The following ACOXL variants were observed in gnomAD, a reference collection of about 807,000 sequenced individuals.
The protein encoded by ACOXL is acyl-CoA oxidase like.
A neutral mutation model predicts 71.9 loss-of-function variants in ACOXL; 70 were observed. The ratio of observed to expected loss-of-function variants is 0.97; its 90% CI spans 0.80 to 1.19. The LOEUF (loss-of-function observed/expected upper bound fraction) is 1.19. Among genes scored for constraint, ACOXL ranks in the 50% most tolerant of loss-of-function variants. The pLI is 0.00. For synonymous variants in ACOXL, 253 were observed against 281.6 expected, an observed-to-expected ratio of 0.90 and a Z score of 1.02; for missense variants, 703 against 736.3, an observed-to-expected ratio of 0.95 and a Z score of 0.52.
intron 14 of ACOXL, among the ~76,000 whole-genome samples, chr2:111,026,339 G>T (rs1446291404): frequency 2.0e-5 from 3 of 152,046 alleles, no homozygotes; most frequent in African/African-American, 7.2e-5. Context: ...GATTGGCATT[G>T]TGTTGCATCT....
At chr2:111,003,550 C>CAAAAAAAAAAAAAAAAAAAAAAAAA (rs548001377) in intron 14 of ACOXL, among the ~76,000 whole-genome samples, 3 of 35,334 alleles carry the variant, frequency 8.5e-5, no homozygotes, top group African/African-American at 1.9e-4. Context: ...GACTCTGTCT[C>CAAAAAAAAAAAAAAAAAAAAAAAAA]AAAAAAAAAA....
In ACOXL at chr2:110,798,359, C is replaced by T. The variant is rs1360614023; in HGVS notation, c.346-251C>T. On this transcript the variant is annotated intron_variant, in intron 5 of 17. Coordinates refer to ENST00000439055, the MANE Select transcript of ACOXL (RefSeq NM_001142807.4). ...GCAAGCTCTGCCTCCCAGGTTCACG[C>T]CATTCTCCTGCCTCAGCCTCCCGAG... 1.0e-3 allele frequency among the ~76,000 whole-genome samples: 157 copies of T among 151,680 alleles called. 2 individuals carry two copies. Among genetic ancestry groups the T allele is most frequent in the Non-Finnish European group, 8.1e-4 (55 of 67,886 alleles).
At chr2:111,063,587 TAAC>T (rs2066918922) in intron 16 of ACOXL, among the ~76,000 whole-genome samples, 2 of 152,158 alleles carry the variant, frequency 1.3e-5, no homozygotes, top group African/African-American at 2.4e-5. Context: ...TTACTCATGA[TAAC>T]AACTCCTAGA....
chr2:111,102,030 A>C (rs1302424663), intron 17 of ACOXL: 1 of 152,654 alleles, frequency 6.6e-6, no homozygotes, highest in East Asian at 1.9e-4. Context: ...GACCAACTAG[A>C]ATGTGGGTGT....
intron 16 of ACOXL, among the ~76,000 whole-genome samples, chr2:111,060,757 T>C (rs1488259237): frequency 6.6e-6 from 1 of 152,066 alleles, no homozygotes; most frequent in Non-Finnish European, 1.5e-5. Flanking sequence ...TGAGTAATAG[T>C]GAACATACTT....
intron 10 of ACOXL, among the ~76,000 whole-genome samples, chr2:110,885,711 T>TAA (rs765899224): frequency 1.2e-4 from 18 of 152,228 alleles, no homozygotes; most frequent in Non-Finnish European, 2.1e-4. Flanking sequence ...ATGTCCTTTT[T>TAA]ATACCTCTGT....
At chr2:110,935,162 G>A (rs985827291) in intron 12 of ACOXL, among the ~76,000 whole-genome samples, 1 of 152,126 alleles carries the variant, frequency 6.6e-6, no homozygotes, top group Non-Finnish European at 1.5e-5. Context: ...ACAGTGGGGT[G>A]TTGGGGCACT....
intron 9 of ACOXL, among the ~76,000 whole-genome samples, chr2:110,816,117 G>GTGGA (rs1322521860): frequency 6.6e-6 from 1 of 151,906 alleles, no homozygotes; most frequent in Non-Finnish European, 1.5e-5. Flanking sequence ...GGATGGGTGG[G>GTGGA]TGGATGGATG....
intron 15 of ACOXL, among the ~76,000 whole-genome samples, chr2:111,045,741 G>A (rs769517178): frequency 6.6e-6 from 1 of 152,160 alleles, no homozygotes; most frequent in Non-Finnish European, 1.5e-5. Context: ...TGACATCTGG[G>A]GTGAGGGGAA....
intron 10 of ACOXL, among the ~76,000 whole-genome samples, chr2:110,848,006 A>G (rs1325563141): frequency 6.6e-6 from 1 of 152,246 alleles, no homozygotes; most frequent in Non-Finnish European, 1.5e-5. Context: ...ATGAATCAGA[A>G]TGCTTATTGA....
intron 17 of ACOXL, chr2:111,115,686 G>C (rs2070302059): frequency 6.6e-6 from 1 of 152,198 alleles, no homozygotes; most frequent in Admixed American, 6.5e-5. Context: ...TGAGGTTTCT[G>C]TTGCAGTCTA....
At chr2:110,917,267 A>G (rs185791157) in intron 11 of ACOXL, among the ~76,000 whole-genome samples, 3 of 152,202 alleles carry the variant, frequency 2.0e-5, no homozygotes, top group Non-Finnish European at 2.9e-5. Context: ...ATCAATAAAC[A>G]TAATCCATCA....
chr2:111,017,822 G>A (rs1439329730), intron 14 of ACOXL: 1 of 152,214 alleles, frequency 6.6e-6, no homozygotes, highest in Non-Finnish European at 1.5e-5. Context: ...GTTCTGGTTT[G>A]GTTAGTGGTA....
At chr2:110,963,672 G>A in intron 12 of ACOXL, 1 of 1,613,970 alleles carries the variant, frequency 6.2e-7, no homozygotes, top group Non-Finnish European at 8.5e-7. Context: ...TGACACAGAT[G>A]TGTTTGCCAC....
At chr2:110,955,987 A>G (rs569477930) in intron 12 of ACOXL, among the ~76,000 whole-genome samples, 35 of 128,964 alleles carry the variant, frequency 2.7e-4, no homozygotes, top group African/African-American at 1.0e-3. Context: ...TGCCCAGGCT[A>G]GAGTGCAGTG....
Position 110,933,595 on chromosome 2 carries a change from G to A in ACOXL, c.1012G>A (p.Glu338Lys). 6.2e-7 allele frequency: 1 copy of A among 1,613,694 alleles called. No individual in the cohort carries two copies. The highest frequency in any genetic ancestry group is 8.5e-7 in the Non-Finnish European group (1 of 1,179,958). ...VAGLKAYSTW[E>K]NIRCLQDCRE... ...GGGGCTGAAGGCCTACAGCACCTGG[G>A]AGAACATCCGCTGCCTGCAGGACTG... The change falls in exon 12 of 18, where the codon GAG (glutamate) becomes AAG (lysine). Residue 338 changes from glutamate to lysine, a missense_variant. Transcript: ENST00000439055.
chr2:110,808,875 G>A (rs772493715), intron 9 of ACOXL, among the ~76,000 whole-genome samples: 44 of 152,338 alleles, frequency 2.9e-4, no homozygotes, highest in Admixed American at 5.9e-4. Context: ...TAGCCTAAAA[G>A]CTCCACGCAG....
chr2:111,087,374 G>A (rs961159709), intron 16 of ACOXL, among the ~76,000 whole-genome samples: 1 of 152,194 alleles, frequency 6.6e-6, no homozygotes, highest in Admixed American at 6.5e-5. Context: ...AACAAAGTTG[G>A]AGGCATCATA....
chr2:110,737,829 T>A (rs918214295), intron 1 of ACOXL, among the ~76,000 whole-genome samples: 1 of 152,236 alleles, frequency 6.6e-6, no homozygotes, highest in Non-Finnish European at 1.5e-5. Flanking sequence ...TTGCATTTCC[T>A]CCATGGTCAA....
Sources: allele counts gnomAD v4.1 joint callset (sites outside exome capture counted in the v4.1 genomes callset), GRCh38; gene constraint gnomAD v4.1.1; transcripts MANE v1.5; gene names NCBI Gene and HGNC (gene_info 2026-07-23, HGNC 2026-07-21).